The following MCTP1 variants were observed in gnomAD, a reference collection of about 807,000 sequenced individuals.
MCTP1 encodes the protein multiple C2 and transmembrane domain-containing protein 1.
MCTP1 carries 69 observed loss-of-function variants against 120.6 expected under a neutral mutation model. The ratio of observed to expected loss-of-function variants is 0.57; its 90% CI spans 0.47 to 0.70. The LOEUF (loss-of-function observed/expected upper bound fraction) is 0.70. Ranked by LOEUF, MCTP1 falls within the 30% of genes least tolerant of loss-of-function variation. The probability of loss-of-function intolerance (pLI) is 0.00; values close to 1 mark genes in which losing one functional copy is unlikely to be tolerated. For synonymous variants in MCTP1, 529 were observed against 493.1 expected (o/e 1.07, Z -0.96); for missense variants, 1,203 against 1,248.8 (o/e 0.96, Z 0.55).
chr5:95,121,638 G>GA (rs578017424), intron 1 of MCTP1, among the ~76,000 whole-genome samples: 183 of 147,044 alleles, frequency 1.2e-3, no homozygotes, highest in Middle Eastern at 3.4e-3. Flanking sequence ...CATAGAAATA[G>GA]AAAAAAAAAA....
intron 1 of MCTP1, among the ~76,000 whole-genome samples, chr5:95,111,400 A>G (rs1183206582): frequency 6.6e-6 from 1 of 152,196 alleles, no homozygotes; most frequent in African/African-American, 2.4e-5. Flanking sequence ...AAGACTTTAA[A>G]TGAATAAGTA....
intron 1 of MCTP1, among the ~76,000 whole-genome samples, chr5:95,051,907 A>G (rs1208144406): frequency 1.3e-5 from 2 of 152,144 alleles, no homozygotes; most frequent in African/African-American, 4.8e-5. Context: ...GAGGAAGGAA[A>G]GGATGGAAAA....
At chr5:95,010,355 T>C (rs1835684181) in intron 2 of MCTP1, among the ~76,000 whole-genome samples, 1 of 152,146 alleles carries the variant, frequency 6.6e-6, no homozygotes, top group Non-Finnish European at 1.5e-5. Flanking sequence ...CAACATTATA[T>C]TCTACATGAC....
At chr5:95,100,332 C>G (rs985677184) in intron 1 of MCTP1, among the ~76,000 whole-genome samples, 1 of 152,010 alleles carries the variant, frequency 6.6e-6, no homozygotes. Flanking sequence ...GCTTTTAGTG[C>G]TATATCAGCT....
rs192935482 is a variant in MCTP1, at chr5:95,010,769, G to A, written c.838+6598C>T. Among the ~76,000 whole-genome samples, 197 of 152,116 alleles carry A rather than the reference G, an allele frequency of 1.3e-3. 2 individuals carry two copies. The highest frequency in any genetic ancestry group is 4.0e-3 in the African/African-American group (167 of 41,514). On this transcript the variant is annotated intron_variant, in intron 2 of 22. Coordinates refer to ENST00000515393, the MANE Select transcript of MCTP1 (RefSeq NM_024717.7). ...GAAAGTTGTTTTTGTATTTTTTGGC[G>A]GAGAAGTCTGCAGTGAATAATTTGA...
Position 95,031,529 on chromosome 5 carries a change from TA to T in MCTP1, c.721-14046del, listed in dbSNP as rs1191591671. Among the ~76,000 whole-genome samples, 4 of 152,090 alleles carry T rather than the reference TA, an allele frequency of 2.6e-5. No individual in the cohort carries two copies. In the South Asian group the frequency reaches 6.2e-4, roughly 24 times the overall value. ...GCCAGCCAAGAATTTCACGTCCTCC[TA>T]AAAAAATTAAGTTTCATAAACAAAG... On this transcript the variant is annotated intron_variant, in intron 1 of 22. Coordinates refer to ENST00000515393, the MANE Select transcript of MCTP1 (RefSeq NM_024717.7).
At chr5:94,839,561 A>G (rs2153193364) in intron 17 of MCTP1, among the ~76,000 whole-genome samples, 1 of 152,308 alleles carries the variant, frequency 6.6e-6, no homozygotes, top group African/African-American at 2.4e-5. Flanking sequence ...TAGAATGTCT[A>G]AGTCACATAT....
chr5:94,856,847 G>A (rs774523160), intron 17 of MCTP1, among the ~76,000 whole-genome samples: 15 of 151,636 alleles, frequency 9.9e-5, no homozygotes, highest in Non-Finnish European at 2.1e-4. Context: ...GCCTTTATAT[G>A]CAACACTCTG....
chr5:94,731,793 G>A (rs1394272735), intron 19 of MCTP1, among the ~76,000 whole-genome samples: 2 of 152,142 alleles, frequency 1.3e-5, no homozygotes, highest in Non-Finnish European at 2.9e-5. Flanking sequence ...GATAGCTGGG[G>A]AAAACAATGT....
intron 1 of MCTP1, among the ~76,000 whole-genome samples, chr5:95,071,456 A>G (rs1752157840): frequency 6.6e-6 from 1 of 152,188 alleles, no homozygotes; most frequent in Admixed American, 6.5e-5. Context: ...TCACTTTCTC[A>G]CAGAGGACTT....
At chr5:94,811,000 G>A (rs2153064649) in intron 17 of MCTP1, among the ~76,000 whole-genome samples, 1 of 152,216 alleles carries the variant, frequency 6.6e-6, no homozygotes, top group Middle Eastern at 3.4e-3. Context: ...ACTAGCTTCT[G>A]AAACTTCATC....
intron 1 of MCTP1, among the ~76,000 whole-genome samples, chr5:95,151,130 C>CATATATATATATATATATATATAT (rs3037035): frequency 4.0e-5 from 5 of 125,954 alleles, no homozygotes; most frequent in South Asian, 3.1e-4. Context: ...ACGCCTGGCT[C>CATATATATATATATATATATATAT]ATATATATAT....
intron 13 of MCTP1, 151 bp from the exon 14 acceptor site, chr5:94,871,568 C>A (rs1797862591): frequency 1.6e-6 from 1 of 616,286 alleles, no homozygotes; most frequent in South Asian, 2.1e-5. Flanking sequence ...AGCTTGGTAT[C>A]TGACAGAATT....
chr5:95,230,496 C>G lies in MCTP1; in HGVS notation c.720+53360G>C, dbSNP rs75902716. ...GCTTTTGGTCCTTAAAACATGACTTCTAGTGAGCCCTGTGGGAGGGTTGGA... is the reference window on the plus strand; with the variant it reads ...GCTTTTGGTCCTTAAAACATGACTTGTAGTGAGCCCTGTGGGAGGGTTGGA... On this transcript the variant is annotated intron_variant, in intron 1 of 22. Transcript: ENST00000515393. 2.7e-3 allele frequency among the ~76,000 whole-genome samples: 411 copies of G among 152,170 alleles called. 2 individuals are homozygous for G. Among genetic ancestry groups the G allele is most frequent in the African/African-American group, 9.4e-3 (390 of 41,498 alleles).
chr5:94,974,574 C>G (rs1166153273), intron 2 of MCTP1, among the ~76,000 whole-genome samples: 1 of 151,838 alleles, frequency 6.6e-6, no homozygotes. Flanking sequence ...CATAAGTATA[C>G]AGCAAAAAGT....
intron 17 of MCTP1, among the ~76,000 whole-genome samples, chr5:94,854,970 C>T (rs1482120697): frequency 6.6e-6 from 1 of 151,804 alleles, no homozygotes; most frequent in African/African-American, 2.4e-5. Context: ...ATGTCAAAGC[C>T]TACCTAGTAA....
intron 17 of MCTP1, among the ~76,000 whole-genome samples, chr5:94,844,129 C>G (rs1211663022): frequency 6.6e-6 from 1 of 151,608 alleles, no homozygotes; most frequent in Non-Finnish European, 1.5e-5. Context: ...ATGGTGAAAC[C>G]CTGTCTCTAC....
rs559796124 is a variant in MCTP1 at position 94,894,645 on chromosome 5, G to T, written c.1839+4C>A. On this transcript the variant is annotated splice_donor_region_variant and intron_variant, in intron 11 of 22. Coordinates refer to ENST00000515393, the MANE Select transcript of MCTP1 (RefSeq NM_024717.7). Reference sequence around the variant, plus strand: ...CTCTGGAAGGAGGAGGGTTACATACGTACATATCTCTTTAATATCTCCTCT... The same window carrying T: ...CTCTGGAAGGAGGAGGGTTACATACTTACATATCTCTTTAATATCTCCTCT... The T allele has an allele frequency of 4.4e-6, 7 of 1,591,928 alleles. No homozygotes were observed. In the East Asian group the frequency reaches 9.0e-5, roughly 20 times the overall value.
intron 1 of MCTP1, among the ~76,000 whole-genome samples, chr5:95,250,011 G>A (rs2061822634): frequency 2.0e-5 from 3 of 152,158 alleles, no homozygotes; most frequent in Admixed American, 2.0e-4. Context: ...CTGTGGGAGA[G>A]TGGGGGCCTG....
Sources: allele counts gnomAD v4.1 joint callset (sites outside exome capture counted in the v4.1 genomes callset), GRCh38; gene constraint gnomAD v4.1.1; transcripts MANE v1.5; gene names NCBI Gene and HGNC (gene_info 2026-07-23, HGNC 2026-07-21).